The following ZMYM2 variants were observed in gnomAD, a reference collection of about 807,000 sequenced individuals.
The protein encoded by ZMYM2 is zinc finger MYM-type containing 2.
Under a neutral mutation model 162.8 loss-of-function variants are expected in ZMYM2, and 56 were observed. The observed-to-expected ratio is 0.34, with a 90% CI of 0.28 to 0.43. The LOEUF (loss-of-function observed/expected upper bound fraction) is 0.43, where lower values mean the gene tolerates loss of function less well. ZMYM2 is among the 20% of genes least tolerant of loss of function. The pLI, the probability that ZMYM2 is intolerant of heterozygous loss-of-function variation, is 1.00. For missense variants in ZMYM2, 1,275 were observed against 1,621.8 expected (o/e 0.79, Z 3.67); for synonymous variants, 510 against 541.6 (o/e 0.94, Z 0.81).
chr13:20,034,532 A>G (rs1953503717), intron 11 of ZMYM2, 128 bp downstream of exon 11: 2 of 868,018 alleles, frequency 2.3e-6, no homozygotes, highest in Non-Finnish European at 3.2e-6. Flanking sequence ...TTACGTTTCT[A>G]CTGACTTGTT....
chr13:19,934,727 T>G, the ZMYM2 span, among the ~76,000 whole-genome samples: 3 of 151,806 alleles, frequency 2.0e-5, no homozygotes, highest in Admixed American at 2.0e-4. Context: ...TCTCTTTATT[T>G]GAATACTCCT....
the ZMYM2 span, among the ~76,000 whole-genome samples, chr13:19,927,526 A>G: frequency 6.6e-6 from 1 of 152,158 alleles, no homozygotes; most frequent in African/African-American, 2.4e-5. Context: ...TGAATATACC[A>G]CAATTATTTA....
At chr13:20,036,120 A>G (rs1953673887) in intron 11 of ZMYM2, among the ~76,000 whole-genome samples, 1 of 152,206 alleles carries the variant, frequency 6.6e-6, no homozygotes, top group Admixed American at 6.5e-5. Context: ...GTATAAGTAT[A>G]GAGTATTATG....
At chr13:20,044,705 C>G (rs187592010) in intron 12 of ZMYM2, among the ~76,000 whole-genome samples, 39 of 152,232 alleles carry the variant, frequency 2.6e-4, no homozygotes, top group African/African-American at 9.1e-4. Flanking sequence ...ATGTTGATAA[C>G]ATGGAAAACC....
At chr13:19,969,090 C>T (rs1213009509) in intron 2 of ZMYM2, among the ~76,000 whole-genome samples, 1 of 152,154 alleles carries the variant, frequency 6.6e-6, no homozygotes, top group African/African-American at 2.4e-5. Context: ...TAATTCCATT[C>T]CCCTTGAGAC....
At chr13:19,937,280 G>A in the ZMYM2 span, among the ~76,000 whole-genome samples, 10 of 151,988 alleles carry the variant, frequency 6.6e-5, no homozygotes, top group Non-Finnish European at 1.2e-4. Context: ...ACAGGAGCAC[G>A]CCAGCGCCAC....
intron 21 of ZMYM2, among the ~76,000 whole-genome samples, chr13:20,068,596 C>A (rs751160562): frequency 6.8e-4 from 104 of 152,172 alleles, no homozygotes; most frequent in African/African-American, 2.4e-3. Context: ...GGTTGAAGAT[C>A]CATGTGTGTA....
At chr13:20,039,368 A>G (rs1350156822) in intron 12 of ZMYM2, among the ~76,000 whole-genome samples, 1 of 151,920 alleles carries the variant, frequency 6.6e-6, no homozygotes, top group South Asian at 2.1e-4. Context: ...AGGGGAATGC[A>G]TGCTTCCAGC....
At chr13:20,013,237 TATTA>T (rs1364249556) in intron 6 of ZMYM2, among the ~76,000 whole-genome samples, 2 of 152,250 alleles carry the variant, frequency 1.3e-5, no homozygotes, top group South Asian at 2.1e-4. Flanking sequence ...GGATTTGCTT[TATTA>T]ATTTCCTTTT....
At chr13:19,915,099 C>T in the ZMYM2 span, among the ~76,000 whole-genome samples, 1 of 152,098 alleles carries the variant, frequency 6.6e-6, no homozygotes, top group Non-Finnish European at 1.5e-5. Flanking sequence ...GTAGCTGAGA[C>T]TACAGGCATG....
chr13:19,936,294 T>TTC, the ZMYM2 span, among the ~76,000 whole-genome samples: 1 of 152,218 alleles, frequency 6.6e-6, no homozygotes, highest in Non-Finnish European at 1.5e-5. Flanking sequence ...GAGACTGCAT[T>TTC]TTGAGGCTTT....
At chr13:19,906,461 ATAAT>A in the ZMYM2 span, among the ~76,000 whole-genome samples, 1 of 148,886 alleles carries the variant, frequency 6.7e-6, no homozygotes, top group African/African-American at 2.5e-5. Flanking sequence ...TACATTTGAA[ATAAT>A]TACTGATAAT....
Position 19,993,701 on chromosome 13 carries a change from T to C in ZMYM2, c.629T>C (p.Met210Thr), listed in dbSNP as rs770081340. 5.0e-6 allele frequency: 8 copies of C among 1,613,992 alleles called. No homozygotes were observed. The highest frequency in any genetic ancestry group is 1.3e-5 in the African/African-American group (1 of 75,056). The change falls in exon 3 of 25, where the codon ATG becomes ACG. Residue 210 changes from methionine to threonine, a missense_variant. Coordinates refer to ENST00000610343, the MANE Select transcript of ZMYM2 (RefSeq NM_197968.4). ...GQLENTDGRD[M>T]NLMITHVTSL... is the part of the protein sequence containing the mutation. ...TTAGAAAATACTGACGGGCGAGATA[T>C]GAACTTAATGATTACACATGTAACA... is the stretch of plus-strand genomic sequence containing the variant.
chr13:19,909,677 C>T, the ZMYM2 span, among the ~76,000 whole-genome samples: 2 of 151,934 alleles, frequency 1.3e-5, no homozygotes, highest in Admixed American at 1.3e-4. Flanking sequence ...AGGTGATCCG[C>T]CTGCCTTGGC....
At chr13:19,941,324 A>AC in the ZMYM2 span, among the ~76,000 whole-genome samples, 29 of 147,514 alleles carry the variant, frequency 2.0e-4, no homozygotes, top group South Asian at 4.2e-4. Context: ...CAAAAAAACA[A>AC]AAAAAAAAAA....
At chr13:20,037,527 T>C (rs1429749928) in intron 12 of ZMYM2, among the ~76,000 whole-genome samples, 3 of 152,204 alleles carry the variant, frequency 2.0e-5, no homozygotes, top group Non-Finnish European at 4.4e-5. Flanking sequence ...ATAGAAATAC[T>C]TTCAACTATG....
chr13:19,999,416 T>C (rs997364778), intron 3 of ZMYM2, among the ~76,000 whole-genome samples: 9 of 152,200 alleles, frequency 5.9e-5, no homozygotes, highest in African/African-American at 1.7e-4. Context: ...CTGTGATCAG[T>C]GATCTTTGAT....
intron 7 of ZMYM2, chr13:20,025,347 C>G (rs1253380068): frequency 5.2e-6 from 1 of 190,664 alleles, no homozygotes; most frequent in Non-Finnish European, 1.1e-5. Context: ...TGCAACCACT[C>G]AGAGGATCAA....
chr13:19,935,957 T>G, the ZMYM2 span, among the ~76,000 whole-genome samples: 1 of 152,230 alleles, frequency 6.6e-6, no homozygotes, highest in Non-Finnish European at 1.5e-5. Flanking sequence ...TCTATGCTAG[T>G]AATCAGAAAA....
Sources: gnomAD v4.1 joint callset for allele counts (sites outside exome capture counted in the v4.1 genomes callset) on GRCh38, gnomAD v4.1.1 for gene constraint, MANE v1.5 for transcripts, NCBI Gene and HGNC (gene_info 2026-07-23, HGNC 2026-07-21) for gene names.